The following PRPF3 variants were observed in gnomAD, a reference collection of about 807,000 sequenced individuals.
PRPF3 encodes the protein pre-mRNA processing factor 3.
Under a neutral mutation model 89.2 loss-of-function variants are expected in PRPF3, and 3 were observed. That is an observed-to-expected ratio of 0.03 (90% confidence interval 0.02 to 0.09). The LOEUF (loss-of-function observed/expected upper bound fraction) is 0.09, where lower values mean the gene tolerates loss of function less well. Ranked by LOEUF, PRPF3 falls within the 10% of genes least tolerant of loss-of-function variation. The pLI is 1.00. For synonymous variants in PRPF3, 270 were observed against 289.1 expected (o/e 0.93, Z 0.67); for missense variants, 463 against 828.8 (o/e 0.56, Z 5.42).
chr1:150,348,748 C>G (rs1357551487), intron 14 of PRPF3: 1 of 252,708 alleles, frequency 4.0e-6, no homozygotes, highest in East Asian at 1.0e-4. Context: ...CAGGCGTGAG[C>G]CACCACGCTG....
chr1:150,324,807 A>T, intron 1 of PRPF3, 88 bp from the exon 2 acceptor site: 1 of 1,110,262 alleles, frequency 9.0e-7, no homozygotes, highest in Non-Finnish European at 1.3e-6. Context: ...TTGGCCTCCC[A>T]AAGTGCTGGG....
At chr1:150,342,152 C>A (rs587676033) in intron 9 of PRPF3, among the ~76,000 whole-genome samples, 2 of 151,676 alleles carry the variant, frequency 1.3e-5, no homozygotes, top group African/African-American at 4.8e-5. Flanking sequence ...GAGGCCGAGG[C>A]GGGCAGATCA....
chr1:150,345,066 T>C (rs1229911778), intron 12 of PRPF3, among the ~76,000 whole-genome samples: 1 of 149,622 alleles, frequency 6.7e-6, no homozygotes, highest in Non-Finnish European at 1.5e-5. Flanking sequence ...ATGTTTTTAT[T>C]CTTTTATGTT....
intron 6 of PRPF3, among the ~76,000 whole-genome samples, chr1:150,333,456 A>G (rs1217677407): frequency 6.6e-6 from 1 of 152,032 alleles, no homozygotes; most frequent in Non-Finnish European, 1.5e-5. Flanking sequence ...AATCCCAGCT[A>G]CTCGGGAGGC....
At chr1:150,345,309 A>G (rs927689639) in intron 12 of PRPF3, among the ~76,000 whole-genome samples, 1 of 151,574 alleles carries the variant, frequency 6.6e-6, no homozygotes, top group Non-Finnish European at 1.5e-5. Flanking sequence ...CTCCTAGAAA[A>G]TTTTCATGCC....
intron 14 of PRPF3, among the ~76,000 whole-genome samples, chr1:150,347,531 A>G (rs1658416285): frequency 6.6e-6 from 1 of 152,010 alleles, no homozygotes; most frequent in African/African-American, 2.4e-5. Flanking sequence ...AGGAGTTCGT[A>G]ACAGCCTGGC....
chr1:150,331,173 G>T (rs1553865431), intron 4 of PRPF3, among the ~76,000 whole-genome samples: 2 of 151,012 alleles, frequency 1.3e-5, no homozygotes, highest in African/African-American at 4.9e-5. Context: ...GAGTAGCTGA[G>T]ATTACAGAAC....
intron 1 of PRPF3, among the ~76,000 whole-genome samples, chr1:150,324,576 A>T (rs587725074): frequency 2.2e-5 from 3 of 139,438 alleles, no homozygotes; most frequent in African/African-American, 8.1e-5. Flanking sequence ...TTGTAGAGAG[A>T]GTCTTGCTTT....
At chr1:150,327,569 G>A in intron 3 of PRPF3, 1 of 985,818 alleles carries the variant, frequency 1.0e-6, no homozygotes, top group African/African-American at 1.7e-5. Flanking sequence ...GTTCCAGGAA[G>A]CGCTCGCCCC....
At chr1:150,323,625 ACT>A (rs1463178446) in intron 1 of PRPF3, among the ~76,000 whole-genome samples, 68,653 of 150,402 alleles carry the variant, frequency 0.46, 16,491 homozygotes, top group East Asian at 0.76. Flanking sequence ...ACGGAGTGAG[ACT>A]CTGTCTCAAA....
In PRPF3 at chr1:150,326,032, A is replaced by G. The variant is rs587661134; in HGVS notation, c.276+151A>G. Reference sequence around the variant, plus strand: ...GACATTAGAGTAGGAGAGATGAATTAGTGTCATCACCATCTGAACTACCTC... The same window carrying G: ...GACATTAGAGTAGGAGAGATGAATTGGTGTCATCACCATCTGAACTACCTC... On this transcript the variant is annotated intron_variant, in intron 3 of 15. Coordinates refer to ENST00000324862, the MANE Select transcript of PRPF3 (RefSeq NM_004698.4). 1.2e-3 allele frequency: 1,134 copies of G among 938,756 alleles called. 1 individual carries two copies. Among genetic ancestry groups the G allele is most frequent in the Non-Finnish European group, 1.7e-3 (1,054 of 608,002 alleles). 58.2% of individuals were successfully genotyped at this position (938,756 alleles called of 1,614,324 possible). A position where few individuals can be genotyped will look rare whatever the true frequency, so the allele number is the denominator to read the frequency against.
intron 8 of PRPF3, among the ~76,000 whole-genome samples, chr1:150,339,075 AG>A (rs1657378034): frequency 6.6e-6 from 1 of 151,984 alleles, no homozygotes. Flanking sequence ...TAGTAAATAT[AG>A]CATATAAGGC....
chr1:150,341,267 A>G (rs1553870666), intron 9 of PRPF3, among the ~76,000 whole-genome samples: 1 of 152,052 alleles, frequency 6.6e-6, no homozygotes, highest in African/African-American at 2.4e-5. Context: ...CTAAATGCAA[A>G]TGCAAGAGCC....
Position 150,350,922 on chromosome 1 carries a change from C to T in PRPF3, c.1905+1704C>T, listed in dbSNP as rs141134083. ...GCTGCAGTGAGCTGTGACTATGCCA[C>T]TGCACTCCAGCCTGGGCACCAGAGT... On this transcript the variant is annotated intron_variant, in intron 15 of 15. Coordinates refer to ENST00000324862, the MANE Select transcript of PRPF3 (RefSeq NM_004698.4). Among the ~76,000 whole-genome samples, 381 of 151,278 alleles carry T rather than the reference C, an allele frequency of 2.5e-3. 2 individuals carry two copies. The highest frequency in any genetic ancestry group is 8.7e-3 in the African/African-American group (360 of 41,188).
At chr1:150,346,595 T>C in intron 14 of PRPF3, 104 bp downstream of exon 14, 2 of 1,187,876 alleles carry the variant, frequency 1.7e-6, no homozygotes, top group African/African-American at 1.7e-5. Context: ...TTGATAACAC[T>C]AGATAGTGTT....
rs1553873583 is a variant in PRPF3 at position 150,348,459 on chromosome 1, C to CTTTTTTTTTTTTTTTTTTTTTTTTTTT, written c.1844-698_1844-697insTTTTTTTTTTTTTTTTTTTTTTTTTTT. Among the ~76,000 whole-genome samples the CTTTTTTTTTTTTTTTTTTTTTTTTTTT allele has an allele frequency of 3.7e-4, 13 of 34,832 alleles. 2 individuals carry two copies. Among genetic ancestry groups the CTTTTTTTTTTTTTTTTTTTTTTTTTTT allele is most frequent in the African/African-American group, 1.1e-3 (12 of 10,616 alleles). 22.9% of individuals were successfully genotyped at this position (34,832 alleles called of 152,430 possible). A position where few individuals can be genotyped will look rare whatever the true frequency, so the allele number is the denominator to read the frequency against. On this transcript the variant is annotated intron_variant, in intron 14 of 15. Coordinates refer to ENST00000324862, the MANE Select transcript of PRPF3 (RefSeq NM_004698.4). ...TAAAAAATATTTTGTTCTACACGTGCATTTTTTTTTTTTTTTTTTTGAGAT... is the reference window on the plus strand; with the variant it reads ...TAAAAAATATTTTGTTCTACACGTGCTTTTTTTTTTTTTTTTTTTTTTTTTTTATTTTTTTTTTTTTTTTTTTGAGAT...
At chr1:150,323,179 T>TTTTTTTTTTG (rs1655287001) in intron 1 of PRPF3, among the ~76,000 whole-genome samples, 1 of 121,668 alleles carries the variant, frequency 8.2e-6, no homozygotes, top group Admixed American at 8.4e-5. Context: ...CTGGCTTTTT[T>TTTTTTTTTTG]TTTTTTTTTT....
chr1:150,338,386 C>G lies in PRPF3; in HGVS notation c.1202+60C>G, dbSNP rs587755429. On this transcript the variant is annotated intron_variant, in intron 8 of 15. Transcript: ENST00000324862. ...TTTTTAATCAGCTGAGTTTAAGACT[C>G]AAGTTAATACCTTTTAGTAAAGCTA... is the stretch of plus-strand genomic sequence containing the variant. 22 of 1,486,330 alleles carry G rather than the reference C, an allele frequency of 1.5e-5. No individual in the cohort carries two copies. The East Asian group carries it at 3.5e-4, about 23-fold the overall frequency. 92.1% of individuals were successfully genotyped at this position (1,486,330 alleles called of 1,614,324 possible). A position where few individuals can be genotyped will look rare whatever the true frequency, so the allele number is the denominator to read the frequency against.
At position 150,335,717 on chromosome 1, in the gene PRPF3, G is replaced by A. The variant is rs587772876; in HGVS notation, c.1035+476G>A. Among the ~76,000 whole-genome samples the A allele has an allele frequency of 2.0e-5, 3 of 151,072 alleles. No homozygotes were observed. The East Asian group carries it at 5.8e-4, about 29-fold the overall frequency. ...TGACCTCAGGTGATCTGCCCACTTT[G>A]TCCTCCCAAAGTGCTGGGATTACAG... On this transcript the variant is annotated intron_variant, in intron 7 of 15. Transcript: ENST00000324862.
Sources: gnomAD v4.1 joint callset for allele counts (sites outside exome capture counted in the v4.1 genomes callset) on GRCh38, gnomAD v4.1.1 for gene constraint, MANE v1.5 for transcripts, NCBI Gene and HGNC (gene_info 2026-07-23, HGNC 2026-07-21) for gene names.